The following GRM7 variants were observed in gnomAD, a reference collection of about 807,000 sequenced individuals.
The protein encoded by GRM7 is glutamate metabotropic receptor 7.
A neutral mutation model predicts 84.5 loss-of-function variants in GRM7; 35 were observed. That is an observed-to-expected ratio of 0.41 (90% CI 0.32 to 0.55). The LOEUF (loss-of-function observed/expected upper bound fraction) is 0.55. Ranked by LOEUF, GRM7 falls within the 20% of genes least tolerant of loss-of-function variation. The pLI, the probability that GRM7 is intolerant of heterozygous loss-of-function variation, is 0.19. For missense variants in GRM7, 1,003 were observed against 1,194.6 expected (o/e 0.84, Z 2.36); for synonymous variants, 487 against 455.1 (o/e 1.07, Z -0.89).
intron 4 of GRM7, among the ~76,000 whole-genome samples, chr3:7,316,340 AT>A (rs1700582294): frequency 6.6e-6 from 1 of 152,128 alleles, no homozygotes; most frequent in African/African-American, 2.4e-5. Context: ...TTAAAGGATC[AT>A]ATTGGCTATT....
intron 8 of GRM7, among the ~76,000 whole-genome samples, chr3:7,615,085 G>A (rs564308894): frequency 6.6e-6 from 1 of 152,148 alleles, no homozygotes; most frequent in South Asian, 2.1e-4. Context: ...TTTTTTATTT[G>A]AAAGTAATAT....
At chr3:7,062,337 T>A (rs1360344457) in intron 1 of GRM7, among the ~76,000 whole-genome samples, 1 of 151,498 alleles carries the variant, frequency 6.6e-6, no homozygotes, top group Non-Finnish European at 1.5e-5. Flanking sequence ...TCGTAGTGTG[T>A]GGAACTGAGT....
At position 7,590,059 on chromosome 3, in the gene GRM7, C is replaced by T. The variant is rs148879824; in HGVS notation, c.2451+10702C>T. On this transcript the variant is annotated intron_variant, in intron 8 of 9. Transcript: ENST00000357716. ...TTTATTCCTTCAGTGTCTACCACCCCGAGCTAGATATTCTAGGAGATCAAG... is the reference window on the plus strand; with the variant it reads ...TTTATTCCTTCAGTGTCTACCACCCTGAGCTAGATATTCTAGGAGATCAAG... Among the ~76,000 whole-genome samples, 1,096 of 152,254 alleles carry T rather than the reference C, an allele frequency of 7.2e-3. 10 individuals are homozygous for T. The highest frequency in any genetic ancestry group is 0.025 in the African/African-American group (1,037 of 41,552).
At chr3:7,645,809 A>G (rs187851456) in intron 8 of GRM7, among the ~76,000 whole-genome samples, 1 of 152,166 alleles carries the variant, frequency 6.6e-6, no homozygotes. Context: ...ACAGGTGGTC[A>G]TCTTCCCCAA....
intron 7 of GRM7, among the ~76,000 whole-genome samples, chr3:7,464,657 C>T (rs1422068509): frequency 5.9e-5 from 9 of 151,756 alleles, no homozygotes; most frequent in East Asian, 1.9e-4. Flanking sequence ...TGTGAAACCC[C>T]GTCTCTAAAA....
At chr3:7,473,249 C>T (rs1698773885) in intron 7 of GRM7, among the ~76,000 whole-genome samples, 1 of 152,132 alleles carries the variant, frequency 6.6e-6, no homozygotes, top group African/African-American at 2.4e-5. Flanking sequence ...AGGAGGATCA[C>T]TTGGGGCCAG....
chr3:7,395,436 T>G (rs970069462), intron 4 of GRM7, among the ~76,000 whole-genome samples: 1 of 152,214 alleles, frequency 6.6e-6, no homozygotes, highest in Admixed American at 6.5e-5. Flanking sequence ...TAGCATGTCA[T>G]CTCACCATTT....
At chr3:7,048,588 C>G (rs1460331439) in intron 1 of GRM7, among the ~76,000 whole-genome samples, 1 of 151,634 alleles carries the variant, frequency 6.6e-6, no homozygotes, top group African/African-American at 2.4e-5. Context: ...CCATTTTTCT[C>G]ATAATTTATT....
chr3:7,304,103 A>G (rs1700101829), intron 3 of GRM7, among the ~76,000 whole-genome samples: 2 of 152,250 alleles, frequency 1.3e-5, no homozygotes, highest in South Asian at 4.2e-4. Context: ...GATTTACAAC[A>G]AATAGCTGTT....
intron 9 of GRM7, among the ~76,000 whole-genome samples, chr3:7,740,048 A>G (rs927121311): frequency 5.9e-5 from 9 of 152,188 alleles, no homozygotes; most frequent in African/African-American, 1.9e-4. Context: ...GTGTGAGTGA[A>G]CCCTTTAAGT....
chr3:6,927,776 G>T (rs906825491), intron 1 of GRM7, among the ~76,000 whole-genome samples: 2 of 152,016 alleles, frequency 1.3e-5, no homozygotes, highest in African/African-American at 4.8e-5. Context: ...TTTCCCATAT[G>T]ATCTAGTGTT....
intron 4 of GRM7, among the ~76,000 whole-genome samples, chr3:7,399,960 G>T (rs906905862): frequency 6.6e-5 from 10 of 152,108 alleles, no homozygotes; most frequent in African/African-American, 1.9e-4. Flanking sequence ...ACACAAAAAC[G>T]CACGAAGACA....
chr3:7,535,694 C>A (rs572731350), intron 7 of GRM7, among the ~76,000 whole-genome samples: 1 of 152,152 alleles, frequency 6.6e-6, no homozygotes, highest in Non-Finnish European at 1.5e-5. Context: ...ACAGGGAGAC[C>A]AACAATTAAT....
At chr3:7,676,018 C>T (rs1575619024) in intron 8 of GRM7, among the ~76,000 whole-genome samples, 5 of 152,014 alleles carry the variant, frequency 3.3e-5, no homozygotes, top group Admixed American at 3.3e-4. Flanking sequence ...TTTTGTCGCC[C>T]AGGCTGGAGT....
intron 2 of GRM7, among the ~76,000 whole-genome samples, chr3:7,165,136 T>C (rs1416124635): frequency 6.6e-6 from 1 of 152,224 alleles, no homozygotes; most frequent in East Asian, 1.9e-4. Flanking sequence ...TGTGGGAGCA[T>C]TTTCCAAGTT....
chr3:7,189,271 C>T lies in GRM7; in HGVS notation c.736+42603C>T, dbSNP rs541593989. ...CATATATCACGCACACACACACGCA[C>T]GTGAGAAAGCAATAAATCAAGAGAA... On this transcript the variant is annotated intron_variant, in intron 2 of 9. Transcript: ENST00000357716. Among the ~76,000 whole-genome samples, 13 of 152,206 alleles carry T rather than the reference C, an allele frequency of 8.5e-5. No individual in the cohort carries two copies. The Middle Eastern group carries it at 0.01, about 119-fold the overall frequency.
chr3:7,406,325 C>A (rs1695674902), intron 4 of GRM7, among the ~76,000 whole-genome samples: 1 of 151,896 alleles, frequency 6.6e-6, no homozygotes, highest in South Asian at 2.1e-4. Context: ...AAGGTGCAAC[C>A]CCGTCTCTAC....
intron 1 of GRM7, among the ~76,000 whole-genome samples, chr3:7,138,950 T>C (rs909775062): frequency 2.0e-5 from 3 of 150,816 alleles, no homozygotes; most frequent in Middle Eastern, 6.9e-3. Context: ...AGGCACATTA[T>C]AGATAATTAA....
intron 1 of GRM7, among the ~76,000 whole-genome samples, chr3:6,917,596 A>C (rs1287926704): frequency 3.9e-5 from 6 of 151,900 alleles, no homozygotes; most frequent in Admixed American, 6.6e-5. Flanking sequence ...GCACAAACAA[A>C]TGCTCATAAT....
Sources: gnomAD v4.1 joint callset for allele counts (sites outside exome capture counted in the v4.1 genomes callset) on GRCh38, gnomAD v4.1.1 for gene constraint, MANE v1.5 for transcripts, NCBI Gene and HGNC (gene_info 2026-07-23, HGNC 2026-07-21) for gene names.